Variants in FCER2 observed in about 807,000 individuals in gnomAD.
FCER2 encodes the protein low affinity immunoglobulin epsilon Fc receptor.
Under a neutral mutation model 49.7 loss-of-function variants are expected in FCER2, and 38 were observed. That is an observed-to-expected ratio of 0.76 (90% CI 0.59 to 1.00). FCER2 has a LOEUF of 1.00. Among genes scored for constraint, FCER2 ranks in the 50% least tolerant of loss-of-function variants. FCER2 has a pLI of 0.00. For missense variants in FCER2, 425 were observed against 419.5 expected, an observed-to-expected ratio of 1.01 and a Z score of -0.11; for synonymous variants, 163 against 164.6, an observed-to-expected ratio of 0.99 and a Z score of 0.07.
At chr19:7,693,704 A>C (rs1429823543) in intron 8 of FCER2, among the ~76,000 whole-genome samples, 1 of 152,112 alleles carries the variant, frequency 6.6e-6, no homozygotes, top group African/African-American at 2.4e-5. Flanking sequence ...GCCAGAGTAC[A>C]GTGGCGCTAT....
At chr19:7,700,263 T>C (rs534042872) in intron 1 of FCER2, among the ~76,000 whole-genome samples, 2 of 152,256 alleles carry the variant, frequency 1.3e-5, no homozygotes, top group African/African-American at 2.4e-5. Context: ...CAGCCTCAGT[T>C]TTCCCCTCTG....
chr19:7,690,158 C>T lies in FCER2; in HGVS notation c.728+1G>A. On this transcript the variant is annotated splice_donor_variant, in intron 10 of 10. Coordinates refer to ENST00000597921, the MANE Select transcript of FCER2 (RefSeq NM_001220500.2). LOFTEE classifies it high-confidence loss of function. ...CTGGATCCCAGAGGCCCCCTCCTCA[C>T]CTGTAGTCCACGTGGCTCCCATCCA... 6.3e-7 allele frequency: 1 copy of T among 1,596,480 alleles called. No homozygotes were observed. The highest frequency in any genetic ancestry group is 1.1e-5 in the South Asian group (1 of 90,714).
In FCER2 at chr19:7,698,735, C is replaced by T. The variant is rs532036972; in HGVS notation, c.136+6G>A. On this transcript the variant is annotated splice_donor_region_variant and intron_variant, in intron 3 of 10. Transcript: ENST00000597921. ...GGGGACCACATGGAGCTGGGGGTGT[C>T]CTCACGCCACAGGAGAAGCAGAGTC... 4 of 1,611,358 alleles carry T rather than the reference C, an allele frequency of 2.5e-6. No individual in the cohort carries two copies. The highest frequency in any genetic ancestry group is 2.5e-6 in the Non-Finnish European group (3 of 1,179,108).
intron 8 of FCER2, among the ~76,000 whole-genome samples, chr19:7,695,913 T>C (rs915468939): frequency 9.0e-5 from 12 of 133,742 alleles, no homozygotes; most frequent in African/African-American, 3.6e-4. Flanking sequence ...TAAGACTCCA[T>C]CTCTCTCTTT....
rs1469229181 is a variant in FCER2, at chr19:7,697,367, C to T, written c.254-69G>A. On this transcript the variant is annotated intron_variant, in intron 5 of 10. Transcript: ENST00000597921. ...GTCTCCCCCATCTACCCCCACCCATCCCTTGGTCTCTTTGCCTGGGTTCTT... is the reference window on the plus strand; with the variant it reads ...GTCTCCCCCATCTACCCCCACCCATTCCTTGGTCTCTTTGCCTGGGTTCTT... 19 of 1,558,204 alleles carry T rather than the reference C, an allele frequency of 1.2e-5. No homozygotes were observed. The South Asian group carries it at 1.7e-4, about 14-fold the overall frequency.
At chr19:7,699,926 C>A in intron 1 of FCER2, 81 bp from the exon 2 acceptor site, 1 of 671,604 alleles carries the variant, frequency 1.5e-6, no homozygotes. Context: ...GACTTGGTGG[C>A]ACTCAGGGGC....
At chr19:7,694,071 C>T (rs1297020650) in intron 8 of FCER2, among the ~76,000 whole-genome samples, 2 of 152,022 alleles carry the variant, frequency 1.3e-5, no homozygotes, top group African/African-American at 4.8e-5. Flanking sequence ...GGATTACAGG[C>T]GTGAGCCACC....
In FCER2 at chr19:7,697,566, C is replaced by T. The variant is rs1262843438; in HGVS notation, c.214G>A (p.Glu72Lys). 5.0e-6 allele frequency: 8 copies of T among 1,613,984 alleles called. No homozygotes were observed. The highest frequency in any genetic ancestry group is 6.8e-6 in the Non-Finnish European group (8 of 1,180,012). The change falls in exon 5 of 11, where the codon GAA (glutamate) becomes AAA (lysine). Residue 72 changes from glutamate (E) to lysine (K), a missense_variant. By Grantham distance (56) the Glu-to-Lys change is moderately conservative. Coordinates refer to ENST00000597921, the MANE Select transcript of FCER2 (RefSeq NM_001220500.2). ...GCCATCTGGTCACCGTGGTGGCTTT[C>T]CAAGTTCTTGGAAACTTGAGAGACT... ...RNVSQVSKNL[E>K]SHHGDQMAQK... is the part of the protein sequence containing the mutation.
rs770782006 is a variant in FCER2, at chr19:7,696,627, T to A, written c.469+198A>T. ...CAGAAACTTAGTCCTATTTCCGTCA[T>A]CACGCACACCTCTGCCTCGCATCCA... On this transcript the variant is annotated intron_variant, in intron 8 of 10. Transcript: ENST00000597921. 214 of 593,274 alleles carry A rather than the reference T, an allele frequency of 3.6e-4. No homozygotes were observed. The Middle Eastern group carries it at 3.7e-3, about 10-fold the overall frequency. The allele number at this position is 593,274 out of a possible 1,614,324, so 36.8% of individuals were successfully genotyped here.
chr19:7,698,875 G>C, intron 2 of FCER2, 21 bp from the exon 3 acceptor site: 1 of 1,563,160 alleles, frequency 6.4e-7, no homozygotes, highest in Non-Finnish European at 8.6e-7. Flanking sequence ...TGGAGGGACT[G>C]ACTATGGGTG....
At chr19:7,700,133 C>G (rs140657601) in intron 1 of FCER2, 4 of 239,844 alleles carry the variant, frequency 1.7e-5, no homozygotes, top group Non-Finnish European at 3.2e-5. Flanking sequence ...TTTCCTCATT[C>G]GTAAAATGAT....
rs538727583 is a variant in FCER2 at position 7,693,553 on chromosome 19, C to A, written c.470-2996G>T. Among the ~76,000 whole-genome samples, 9 of 152,060 alleles carry A rather than the reference C, an allele frequency of 5.9e-5. No individual in the cohort carries two copies. The South Asian group carries it at 1.5e-3, about 25-fold the overall frequency. Reference sequence around the variant, plus strand: ...CTTGAGCCCAGGAGTTTGAGACCAGCCTGGGCAACATAGCAAAAACCCGCT... The same window carrying A: ...CTTGAGCCCAGGAGTTTGAGACCAGACTGGGCAACATAGCAAAAACCCGCT... On this transcript the variant is annotated intron_variant, in intron 8 of 10. Transcript: ENST00000597921.
rs1264787420 is a variant in FCER2, at chr19:7,698,415, G to A, written c.137-6C>T. Reference sequence around the variant, plus strand: ...ACTCTGTGTGGTGTCCCAGTCTGGGGAGGGGGAGAGAAGAGGAGTGGAGAG... The same window carrying A: ...ACTCTGTGTGGTGTCCCAGTCTGGGAAGGGGGAGAGAAGAGGAGTGGAGAG... On this transcript the variant is annotated splice_region_variant and splice_polypyrimidine_tract_variant and intron_variant, in intron 3 of 10. Coordinates refer to ENST00000597921, the MANE Select transcript of FCER2 (RefSeq NM_001220500.2). The A allele has an allele frequency of 1.9e-6, 3 of 1,609,688 alleles. No individual in the cohort carries two copies. Among genetic ancestry groups the A allele is most frequent in the Non-Finnish European group, 2.5e-6 (3 of 1,177,106 alleles).
chr19:7,698,750 G>A lies in FCER2; in HGVS notation c.127C>T (p.Leu43Phe), dbSNP rs2033084354. Residue 43 changes from leucine to phenylalanine, a missense_variant, in exon 3 of 11, where the codon CTC becomes TTC. Transcript: ENST00000597921. ...ALWAGLLTLL[L>F]LWHWDTTQSL... ...CTGGGGGTGTCCTCACGCCACAGGAGAAGCAGAGTCAGCAGCCCAGCCCAC... is the reference window on the plus strand; with the variant it reads ...CTGGGGGTGTCCTCACGCCACAGGAAAAGCAGAGTCAGCAGCCCAGCCCAC... The A allele has an allele frequency of 3.1e-6, 5 of 1,612,802 alleles. No individual in the cohort carries two copies. Among genetic ancestry groups the A allele is most frequent in the Non-Finnish European group, 4.2e-6 (5 of 1,179,570 alleles).
At chr19:7,695,917 T>G (rs945529339) in intron 8 of FCER2, among the ~76,000 whole-genome samples, 2 of 122,382 alleles carry the variant, frequency 1.6e-5, no homozygotes, top group African/African-American at 7.3e-5. Context: ...ACTCCATCTC[T>G]CTCTTTTTTT....
chr19:7,690,357 C>T (rs746104507), intron 9 of FCER2, 49 bp downstream of exon 9: 6 of 1,607,472 alleles, frequency 3.7e-6, no homozygotes, highest in South Asian at 1.1e-5. Flanking sequence ...GGTGGGGGTC[C>T]CCCCACCCTC....
At position 7,690,512 on chromosome 19, in the gene FCER2, C is replaced by T. The variant is rs368929610; in HGVS notation, c.515G>A (p.Arg172Gln). The part of the protein sequence containing the change: ...TCPEKWINFQ[R>Q]KCYYFGKGTK... ...GCCCTTGCCGAAGTAGTAGCACTTCCGTTGGAAATTGATCCACTTTTCAGG... is the reference window on the plus strand; with the variant it reads ...GCCCTTGCCGAAGTAGTAGCACTTCTGTTGGAAATTGATCCACTTTTCAGG... Residue 172 changes from arginine to glutamine, a missense_variant, in exon 9 of 11, where the codon CGG becomes CAG. Coordinates refer to ENST00000597921, the MANE Select transcript of FCER2 (RefSeq NM_001220500.2). 149 of 1,614,104 alleles carry T rather than the reference C, an allele frequency of 9.2e-5. 1 individual carries two copies. In the South Asian group the frequency reaches 1.2e-3, roughly 13 times the overall value.
At chr19:7,699,887 C>G in intron 1 of FCER2, 42 bp from the exon 2 acceptor site, 1 of 855,660 alleles carries the variant, frequency 1.2e-6, no homozygotes, top group Non-Finnish European at 1.9e-6. Flanking sequence ...GCCATCAAAT[C>G]CTAGTTACCA....
chr19:7,697,154 A>G (rs1057220341), intron 6 of FCER2, 79 bp from the exon 7 acceptor site: 8 of 1,605,732 alleles, frequency 5.0e-6, no homozygotes, highest in South Asian at 1.1e-5. Context: ...CTGGCCCCCC[A>G]GCCTCGTGGT....
Sources: gnomAD v4.1 joint callset for allele counts (sites outside exome capture counted in the v4.1 genomes callset) on GRCh38, gnomAD v4.1.1 for gene constraint, MANE v1.5 for transcripts, NCBI Gene and HGNC (gene_info 2026-07-23, HGNC 2026-07-21) for gene names.